LPXN: variants seen among roughly 807,000 people sequenced by gnomAD.
LPXN encodes leupaxin.
In LPXN, 28 loss-of-function variants were observed where a neutral mutation model predicts 45.6. The observed-to-expected ratio is 0.61, with a 90% CI of 0.45 to 0.84. The LOEUF is 0.84. LPXN is among the 40% of genes least tolerant of loss of function. The probability of loss-of-function intolerance (pLI) is 0.00; values close to 1 mark genes in which losing one functional copy is unlikely to be tolerated. For missense variants in LPXN, 459 were observed against 475.0 expected, an observed-to-expected ratio of 0.97 and a Z score of 0.31; for synonymous variants, 166 against 169.9, an observed-to-expected ratio of 0.98 and a Z score of 0.18.
intron 3 of LPXN, among the ~76,000 whole-genome samples, chr11:58,562,563 G>C (rs1269665677): frequency 6.6e-6 from 1 of 152,136 alleles, no homozygotes; most frequent in Admixed American, 6.5e-5. Context: ...TGAGTACACA[G>C]AGTTTAGACC....
At chr11:58,569,569 C>A (rs1161021892) in intron 2 of LPXN, among the ~76,000 whole-genome samples, 3 of 151,840 alleles carry the variant, frequency 2.0e-5, no homozygotes, top group East Asian at 3.9e-4. Context: ...TTTAATTTTT[C>A]GTAGAGATGG....
chr11:58,549,886 G>C lies in LPXN; in HGVS notation c.661-19C>G, dbSNP rs1555006173. ...GCACTTTCTGGAAAGGGAACACACA[G>C]ATATTATAATGATGCAGAAGTTGTA... On this transcript the variant is annotated intron_variant, in intron 6 of 8. Transcript: ENST00000395074. The C allele has an allele frequency of 1.2e-6, 2 of 1,613,910 alleles. No individual in the cohort carries two copies. Among genetic ancestry groups the C allele is most frequent in the Non-Finnish European group, 1.7e-6 (2 of 1,179,794 alleles).
intron 5 of LPXN, 46 bp downstream of exon 5, chr11:58,551,019 A>T (rs780791319): frequency 6.7e-7 from 1 of 1,490,886 alleles, no homozygotes; most frequent in African/African-American, 1.4e-5. Flanking sequence ...GATGAGACAG[A>T]GAGAGACAAA....
chr11:58,550,916 G>T, intron 5 of LPXN, 149 bp downstream of exon 5: 1 of 604,220 alleles, frequency 1.7e-6, no homozygotes, highest in Non-Finnish European at 2.6e-6. Context: ...TACTTGTAAA[G>T]CACTTAGCTC....
chr11:58,545,347 T>A (rs1033585067), intron 7 of LPXN, among the ~76,000 whole-genome samples: 3 of 152,208 alleles, frequency 2.0e-5, no homozygotes, highest in Non-Finnish European at 4.4e-5. Context: ...AATGTGCCTA[T>A]GTCCTGTTGT....
intron 1 of LPXN, among the ~76,000 whole-genome samples, chr11:58,574,711 A>G (rs1372034107): frequency 6.6e-6 from 1 of 152,168 alleles, no homozygotes; most frequent in Non-Finnish European, 1.5e-5. Context: ...CCCAATATCA[A>G]AATAGACTTT....
At chr11:58,549,138 G>GT (rs1853960859) in intron 7 of LPXN, among the ~76,000 whole-genome samples, 1 of 152,244 alleles carries the variant, frequency 6.6e-6, no homozygotes, top group African/African-American at 2.4e-5. Flanking sequence ...GTTCATGCCT[G>GT]TAATGCCAGC....
intron 8 of LPXN, 118 bp downstream of exon 8, chr11:58,527,925 A>G: frequency 8.0e-7 from 1 of 1,250,924 alleles, no homozygotes; most frequent in Non-Finnish European, 1.1e-6. Flanking sequence ...CTCCTTTAGG[A>G]TGCGCACATC....
intron 7 of LPXN, among the ~76,000 whole-genome samples, chr11:58,540,178 C>T (rs1853672989): frequency 6.6e-6 from 1 of 151,930 alleles, no homozygotes; most frequent in South Asian, 2.1e-4. Context: ...AAGCAAAAAA[C>T]AGTATCATGA....
At chr11:58,569,446 T>C (rs1369884573) in intron 2 of LPXN, among the ~76,000 whole-genome samples, 1 of 151,974 alleles carries the variant, frequency 6.6e-6, no homozygotes, top group African/African-American at 2.4e-5. Flanking sequence ...TGGGATGGAG[T>C]GGCGCAATCA....
At chr11:58,530,146 T>C (rs893283928) in intron 7 of LPXN, among the ~76,000 whole-genome samples, 1 of 152,130 alleles carries the variant, frequency 6.6e-6, no homozygotes, top group Non-Finnish European at 1.5e-5. Context: ...TAGAAGTTTT[T>C]TTGTTTTTTG....
intron 7 of LPXN, among the ~76,000 whole-genome samples, chr11:58,541,392 C>T (rs549910955): frequency 4.6e-5 from 7 of 152,314 alleles, no homozygotes; most frequent in Admixed American, 2.6e-4. Context: ...TATGAACAGA[C>T]ACTTCTCAAA....
intron 3 of LPXN, among the ~76,000 whole-genome samples, chr11:58,562,819 G>A (rs1854418587): frequency 1.3e-5 from 2 of 151,872 alleles, no homozygotes; most frequent in African/African-American, 2.4e-5. Flanking sequence ...TTGTGGGGGG[G>A]AAATGCCCTG....
chr11:58,534,259 A>G (rs1188442827), intron 7 of LPXN, among the ~76,000 whole-genome samples: 1 of 152,226 alleles, frequency 6.6e-6, no homozygotes, highest in Non-Finnish European at 1.5e-5. Flanking sequence ...TCTAAAATCG[A>G]CTATGTAATT....
At chr11:58,571,735 AAATT>A (rs1854708130) in intron 1 of LPXN, among the ~76,000 whole-genome samples, 1 of 151,986 alleles carries the variant, frequency 6.6e-6, no homozygotes, top group Non-Finnish European at 1.5e-5. Context: ...TAATTAATAA[AAATT>A]AACACATGCC....
chr11:58,540,299 A>T (rs1853677634), intron 7 of LPXN, among the ~76,000 whole-genome samples: 1 of 152,124 alleles, frequency 6.6e-6, no homozygotes, highest in Admixed American at 6.6e-5. Flanking sequence ...TAATAATAGA[A>T]TTTTTTAAAT....
At chr11:58,558,540 C>CAAAAA (rs35870490) in intron 3 of LPXN, among the ~76,000 whole-genome samples, 120 of 47,698 alleles carry the variant, frequency 2.5e-3, no homozygotes, top group South Asian at 3.9e-3. Flanking sequence ...GAGACCCTGT[C>CAAAAA]AAAAAAAAAA....
rs550024346 is a variant in LPXN at position 58,545,620 on chromosome 11, T to C, written c.742+4166A>G. 2.0e-4 allele frequency among the ~76,000 whole-genome samples: 31 copies of C among 152,318 alleles called. No homozygotes were observed. In the East Asian group the frequency reaches 3.7e-3, roughly 18 times the overall value. The stretch of plus-strand genomic sequence containing the variant: ...AGCAAATTACTACAGAGCACTTTGC[T>C]AGTGGATTCTGTCAGCACCACTGTA... On this transcript the variant is annotated intron_variant, in intron 7 of 8. Coordinates refer to ENST00000395074, the MANE Select transcript of LPXN (RefSeq NM_004811.3).
rs17845596 is a variant in LPXN at position 58,551,145 on chromosome 11, C to A, written c.406G>T (p.Glu136Ter). The change falls in exon 5 of 9, where the codon GAG becomes TAG. Residue 136 changes from glutamate (E) to a stop codon, truncating the protein, a stop_gained. Transcript: ENST00000395074. LOFTEE classifies it high-confidence loss of function. Reference sequence around the variant, plus strand: ...ATGCCAAGGTCCTGCAATTCCTGCTCCAGACCCCCAAGCATTGAGTCCAGG... The same window carrying A: ...ATGCCAAGGTCCTGCAATTCCTGCTACAGACCCCCAAGCATTGAGTCCAGG... ...ASLDSMLGGLEQELQDLGIAT... is the reference protein window; with the variant it reads ...ASLDSMLGGL 1 of 1,611,394 alleles carries A rather than the reference C, an allele frequency of 6.2e-7. No individual in the cohort carries two copies. Among genetic ancestry groups the A allele is most frequent in the South Asian group, 1.1e-5 (1 of 90,692 alleles).
Sources: allele counts gnomAD v4.1 joint callset (sites outside exome capture counted in the v4.1 genomes callset), GRCh38; gene constraint gnomAD v4.1.1; transcripts MANE v1.5; gene names NCBI Gene and HGNC (gene_info 2026-07-23, HGNC 2026-07-21).